SLC2A8: variants seen among roughly 807,000 people sequenced by gnomAD.
The protein encoded by SLC2A8 is solute carrier family 2, facilitated glucose transporter member 8.
SLC2A8 carries 53 observed loss-of-function variants against 49.2 expected under a neutral mutation model. The ratio of observed to expected loss-of-function variants is 1.08; its 90% confidence interval spans 0.86 to 1.35. The LOEUF is 1.35. Ranked by LOEUF, SLC2A8 falls within the 40% of genes most tolerant of loss-of-function variation. SLC2A8 has a pLI of 0.00. For missense variants in SLC2A8, 688 were observed against 671.7 expected, an observed-to-expected ratio of 1.02 and a Z score of -0.27; for synonymous variants, 299 against 297.0, an observed-to-expected ratio of 1.01 and a Z score of -0.07.
rs751973892 is a variant in SLC2A8 at position 127,397,294 on chromosome 9, C to T, written c.56+8C>T. On this transcript the variant is annotated splice_region_variant and intron_variant, in intron 1 of 9. Transcript: ENST00000373371. ...GGGGCCTCCTGGCGGCAGGTGAGCTCCGGGGAACCCGGGCCCGGATGCGGC... is the reference window on the plus strand; with the variant it reads ...GGGGCCTCCTGGCGGCAGGTGAGCTTCGGGGAACCCGGGCCCGGATGCGGC... The T allele has an allele frequency of 5.8e-6, 8 of 1,385,712 alleles. No individual in the cohort carries two copies. The South Asian group carries it at 1.3e-4, about 23-fold the overall frequency. The allele number at this position is 1,385,712 out of a possible 1,614,324, so 85.8% of individuals were successfully genotyped here. A position where few individuals can be genotyped will look rare whatever the true frequency, so the allele number is the denominator to read the frequency against.
At position 127,407,282 on chromosome 9, in the gene SLC2A8, G is replaced by A; in HGVS notation, c.*33G>A. Reference sequence around the variant, plus strand: ...TCACTAGGGGATGGAGCAAGCCTGTGACTCCAAGCTGGGCCCAAGCCCAGA... The same window carrying A: ...TCACTAGGGGATGGAGCAAGCCTGTAACTCCAAGCTGGGCCCAAGCCCAGA... On this transcript the variant is annotated 3_prime_UTR_variant, in exon 10 of 10. Coordinates refer to ENST00000373371, the MANE Select transcript of SLC2A8 (RefSeq NM_014580.5). The A allele has an allele frequency of 6.2e-7, 1 of 1,611,890 alleles. No homozygotes were observed. The highest frequency in any genetic ancestry group is 8.5e-7 in the Non-Finnish European group (1 of 1,179,328).
At chr9:127,406,532 A>G (rs1409020459) in intron 9 of SLC2A8, among the ~76,000 whole-genome samples, 2 of 146,136 alleles carry the variant, frequency 1.4e-5, no homozygotes, top group Admixed American at 6.8e-5. Context: ...CCAAGAGGCC[A>G]AGAGAAGGCC....
At chr9:127,400,028 G>A (rs1225871643) in intron 4 of SLC2A8, 22 bp downstream of exon 4, 1 of 1,604,784 alleles carries the variant, frequency 6.2e-7, no homozygotes, top group Non-Finnish European at 8.5e-7. Context: ...ATTATCTCTT[G>A]CTTCCTGTTT....
rs34424745 is a variant in SLC2A8, at chr9:127,405,538, C to T, written c.1269C>T (p.Leu423=). The T allele has an allele frequency of 4.3e-5, 70 of 1,613,238 alleles. No homozygotes were observed. In the African/African-American group the frequency reaches 5.2e-4, roughly 12 times the overall value. The change falls in exon 9 of 10, where the codon CTC becomes CTT. Residue 423 remains leucine (L), a synonymous_variant. Coordinates refer to ENST00000373371, the MANE Select transcript of SLC2A8 (RefSeq NM_014580.5). The stretch of plus-strand genomic sequence containing the variant: ...TCACCAACTGGCTCATGGCCTTTCT[C>T]GTGACCAAGGAGTTCAGCAGCCTCA... ...CVLTNWLMAF[L]VTKEFSSLME...
intron 9 of SLC2A8, among the ~76,000 whole-genome samples, chr9:127,406,212 C>T (rs889652048): frequency 1.3e-5 from 2 of 152,234 alleles, no homozygotes; most frequent in African/African-American, 4.8e-5. Context: ...GAGCAATGAA[C>T]AAGATGGACA....
chr9:127,406,481 T>G (rs111903405), intron 9 of SLC2A8, among the ~76,000 whole-genome samples: 4 of 151,768 alleles, frequency 2.6e-5, no homozygotes, highest in African/African-American at 7.3e-5. Context: ...AAGAAGGAGG[T>G]GACAAAGGAC....
chr9:127,406,976 TA>T, intron 9 of SLC2A8, 135 bp from the exon 10 acceptor site: 1 of 936,708 alleles, frequency 1.1e-6, no homozygotes, highest in Non-Finnish European at 1.6e-6. Context: ...TGGGTGGAGA[TA>T]AAATGGGTGT....
At position 127,404,893 on chromosome 9, in the gene SLC2A8, C is replaced by G; in HGVS notation, c.1052C>G (p.Ser351Trp). 1 of 1,612,752 alleles carries G rather than the reference C, an allele frequency of 6.2e-7. No individual in the cohort carries two copies. The highest frequency in any genetic ancestry group is 8.5e-7 in the Non-Finnish European group (1 of 1,179,848). ...ACCCAGGGTGGCCCTGGCAACTCCT[C>G]GCACGTGGCCATCTCGGCGCCTGTC... Reference protein sequence around the residue: ...KLTQGGPGNSSHVAISAPVSA... With the variant: ...KLTQGGPGNSWHVAISAPVSA... The change falls in exon 8 of 10, where the codon TCG becomes TGG. Residue 351 changes from serine to tryptophan, a missense_variant. Transcript: ENST00000373371.
At chr9:127,407,017 G>C (rs1040992412) in intron 9 of SLC2A8, 95 bp from the exon 10 acceptor site, 23 of 1,438,860 alleles carry the variant, frequency 1.6e-5, no homozygotes, top group Non-Finnish European at 2.0e-5. Flanking sequence ...TGGGGTCAGG[G>C]GACTGGACCC....
chr9:127,397,495 C>T lies in SLC2A8; in HGVS notation c.176C>T (p.Pro59Leu). 1.4e-6 allele frequency: 2 copies of T among 1,452,784 alleles called. No individual in the cohort carries two copies. Among genetic ancestry groups the T allele is most frequent in the South Asian group, 2.7e-5 (2 of 73,694 alleles). The allele number at this position is 1,452,784 out of a possible 1,614,324, so 90.0% of individuals were successfully genotyped here. A position where few individuals can be genotyped will look rare whatever the true frequency, so the allele number is the denominator to read the frequency against. The change falls in exon 2 of 10, where the codon CCC becomes CTC. Residue 59 changes from proline (P) to leucine (L), a missense_variant. Pro to Leu is a moderately conservative substitution (Grantham distance 98). Transcript: ENST00000373371. ...PAIPSLQRAA[P>L]PAPRLDDAAA... Reference sequence around the variant, plus strand: ...ATCCCTAGCCTGCAGCGCGCCGCGCCCCCGGCCCCGCGCCTGGACGACGCC... The same window carrying T: ...ATCCCTAGCCTGCAGCGCGCCGCGCTCCCGGCCCCGCGCCTGGACGACGCC...
At chr9:127,404,480 G>A (rs1030877340) in intron 7 of SLC2A8, 7 of 362,938 alleles carry the variant, frequency 1.9e-5, no homozygotes, top group Non-Finnish European at 3.0e-5. Flanking sequence ...TGATCCACGT[G>A]AGGCCTTCAG....
At chr9:127,398,507 TGCAATTA>T (rs1223963253) in intron 3 of SLC2A8, among the ~76,000 whole-genome samples, 2 of 152,204 alleles carry the variant, frequency 1.3e-5, no homozygotes, top group Admixed American at 6.5e-5. Flanking sequence ...GGTCAATGAC[TGCAATTA>T]GCAGGAAGTT....
Position 127,404,918 on chromosome 9 carries a change from C to A in SLC2A8, c.1077C>A (p.Val359=). 6.2e-7 allele frequency: 1 copy of A among 1,612,450 alleles called. No homozygotes were observed. Among genetic ancestry groups the A allele is most frequent in the Non-Finnish European group, 8.5e-7 (1 of 1,179,842 alleles). ...NSSHVAISAP[V]SAQPVDASVG... The stretch of plus-strand genomic sequence containing the variant: ...CGCACGTGGCCATCTCGGCGCCTGT[C>A]TCTGCACAGCCTGTTGATGCCAGCG... Residue 359 remains valine, a synonymous_variant, in exon 8 of 10, where the codon GTC becomes GTA. Coordinates refer to ENST00000373371, the MANE Select transcript of SLC2A8 (RefSeq NM_014580.5).
intron 3 of SLC2A8, chr9:127,398,380 A>G (rs748146412): frequency 1.3e-6 from 1 of 758,856 alleles, no homozygotes. Flanking sequence ...TCAGAGGGGA[A>G]GCAGTTGCAG....
chr9:127,400,166 C>CTTTTT lies in SLC2A8; in HGVS notation c.526+173_526+177dup, dbSNP rs796202714. ...TCCTGGGACCTTGGGATAGGTGAGT[C>CTTTTT]TTTTTTTTTTTTTTTTTGAGACAGA... On this transcript the variant is annotated intron_variant, in intron 4 of 9. Transcript: ENST00000373371. Among the ~76,000 whole-genome samples, 281 of 116,806 alleles carry CTTTTT rather than the reference C, an allele frequency of 2.4e-3. 11 individuals are homozygous for CTTTTT. Among genetic ancestry groups the CTTTTT allele is most frequent in the African/African-American group, 8.9e-3 (261 of 29,474 alleles). The allele number at this position is 116,806 out of a possible 152,430, so 76.6% of individuals were successfully genotyped here. A position where few individuals can be genotyped will look rare whatever the true frequency, so the allele number is the denominator to read the frequency against.
chr9:127,406,248 A>C (rs1833488355), intron 9 of SLC2A8, among the ~76,000 whole-genome samples: 1 of 152,198 alleles, frequency 6.6e-6, no homozygotes, highest in African/African-American at 2.4e-5. Flanking sequence ...CAAGGACGGG[A>C]AAGGCCATGG....
chr9:127,407,141 G>A lies in SLC2A8; in HGVS notation c.1326G>A (p.Trp442Ter). The change falls in exon 10 of 10, where the codon TGG becomes TGA. Residue 442 changes from tryptophan (W) to a stop codon, truncating the protein, a stop_gained. Transcript: ENST00000373371. LOFTEE classifies it high-confidence loss of function. ...MEVLRPYGAF[W>*]LASAFCIFSV... ...TCCTCAGGCCCTATGGAGCCTTCTG[G>A]CTTGCCTCCGCTTTCTGCATCTTCA... is the stretch of plus-strand genomic sequence containing the variant. 6.2e-7 allele frequency: 1 copy of A among 1,613,606 alleles called. No homozygotes were observed.
At chr9:127,403,861 C>T (rs547144670) in intron 6 of SLC2A8, 58 bp downstream of exon 6, 37 of 1,603,088 alleles carry the variant, frequency 2.3e-5, no homozygotes, top group Non-Finnish European at 3.0e-5. Context: ...GAGCTTCCTC[C>T]CCAAGCCCAG....
chr9:127,405,308 C>T (rs913764734), intron 8 of SLC2A8, 112 bp from the exon 9 acceptor site: 52 of 1,283,484 alleles, frequency 4.1e-5, no homozygotes, highest in Admixed American at 2.5e-4. Flanking sequence ...CACTGGGATC[C>T]GGGACCCCAC....
Sources: allele counts gnomAD v4.1 joint callset (sites outside exome capture counted in the v4.1 genomes callset), GRCh38; gene constraint gnomAD v4.1.1; transcripts MANE v1.5; gene names NCBI Gene and HGNC (gene_info 2026-07-23, HGNC 2026-07-21).